The following SH3PXD2B variants were observed in gnomAD, a reference collection of about 807,000 sequenced individuals.
SH3PXD2B encodes the protein SH3 and PX domains 2B, also known as SH3 and PX domain-containing protein 2B.
SH3PXD2B carries 37 observed loss-of-function variants against 73.1 expected under a neutral mutation model. The ratio of observed to expected loss-of-function variants is 0.51; its 90% CI spans 0.39 to 0.67. SH3PXD2B has a LOEUF of 0.67. Among genes scored for constraint, SH3PXD2B ranks in the 30% least tolerant of loss-of-function variants. The pLI is 0.00. For missense variants in SH3PXD2B, 1,053 were observed against 1,197.8 expected (o/e 0.88, Z 1.78); for synonymous variants, 457 against 480.5 (o/e 0.95, Z 0.64).
At chr5:172,410,268 G>C (rs1758662885) in intron 2 of SH3PXD2B, among the ~76,000 whole-genome samples, 1 of 152,212 alleles carries the variant, frequency 6.6e-6, no homozygotes, top group South Asian at 2.1e-4. Context: ...CCAACTGTGT[G>C]TAAGAGTTCC....
rs754177459 is a variant in SH3PXD2B, at chr5:172,338,931, G to A, written c.2174C>T (p.Ser725Phe). The change falls in exon 13 of 13, where the codon TCC becomes TTC. Residue 725 changes from serine (S) to phenylalanine (F), a missense_variant. Physicochemically the swap from Ser to Phe is radical, Grantham distance 155 (BLOSUM62 -2). Coordinates refer to ENST00000311601, the MANE Select transcript of SH3PXD2B (RefSeq NM_001017995.3). This position sits in a 1 kb window ranked among gnomAD's most constrained non-coding sequence, Gnocchi z 5.1. ...GGCTGGCCTCGGAGGGGCTCTGCAG[G>A]AAATCTCTTTTGGGCTGAGACCATC... ...KQDGLSPKEI[S>F]CRAPPRPAKT... 5.0e-6 allele frequency: 8 copies of A among 1,614,040 alleles called. No individual in the cohort carries two copies. In the East Asian group the frequency reaches 1.6e-4, roughly 31 times the overall value.
At chr5:172,423,468 A>T (rs1759018851) in intron 1 of SH3PXD2B, among the ~76,000 whole-genome samples, 1 of 148,850 alleles carries the variant, frequency 6.7e-6, no homozygotes. Flanking sequence ...AGGAGAGACA[A>T]TGCATACATA....
intron 1 of SH3PXD2B, among the ~76,000 whole-genome samples, chr5:172,439,684 ACGCG>A (rs1183752755): frequency 7.7e-5 from 8 of 103,252 alleles, no homozygotes; most frequent in African/African-American, 2.7e-4. Context: ...GCGTGCGCGC[ACGCG>A]CGCGCACACA....
chr5:172,422,511 G>C lies in SH3PXD2B; in HGVS notation c.76-15C>G, dbSNP rs367719241. The C allele has an allele frequency of 8.7e-6, 14 of 1,607,172 alleles. No homozygotes were observed. In the African/African-American group the frequency reaches 1.7e-4, roughly 20 times the overall value. Reference sequence around the variant, plus strand: ...ATGATGTAGACCTGCGGGAGCAACAGAGGAGATGGGTGTTAACACCAGAAG... The same window carrying C: ...ATGATGTAGACCTGCGGGAGCAACACAGGAGATGGGTGTTAACACCAGAAG... On this transcript the variant is annotated splice_polypyrimidine_tract_variant and intron_variant, in intron 1 of 12. Transcript: ENST00000311601.
rs1430829340 is a variant in SH3PXD2B, at chr5:172,422,456, T to G, written c.116A>C (p.Glu39Ala). 1 of 1,612,672 alleles carries G rather than the reference T, an allele frequency of 6.2e-7. No individual in the cohort carries two copies. Among genetic ancestry groups the G allele is most frequent in the East Asian group, 2.2e-5 (1 of 44,886 alleles). Residue 39 changes from glutamate (E) to alanine (A), a missense_variant, in exon 2 of 13, where the codon GAG becomes GCG. By Grantham distance (107) the Glu-to-Ala change is moderately radical. Around this residue, in one of 2 missense-constraint regions of SH3PXD2B, gnomAD observed 466 missense variants for 607.1 expected, o/e 0.77. Transcript: ENST00000311601. ...CTTGCTGTAGCGCCGGTAAATGGCC[T>G]CGGTGGAGCCGCTGGACCACGTGAC... Reference protein sequence around the residue: ...IRVTWSSGSTEAIYRRYSKFF... With the variant: ...IRVTWSSGSTAAIYRRYSKFF...
At chr5:172,358,105 C>T (rs751089108) in intron 8 of SH3PXD2B, among the ~76,000 whole-genome samples, 3 of 152,234 alleles carry the variant, frequency 2.0e-5, no homozygotes, top group Admixed American at 6.5e-5. Flanking sequence ...TGGCCCAAGG[C>T]CACTCAACCA....
chr5:172,373,544 T>C (rs1399686111), intron 6 of SH3PXD2B, among the ~76,000 whole-genome samples: 6 of 152,128 alleles, frequency 3.9e-5, no homozygotes, highest in Admixed American at 3.3e-4. Context: ...AATACTATTT[T>C]TGGGAAATGG....
intron 12 of SH3PXD2B, among the ~76,000 whole-genome samples, chr5:172,343,185 CCA>C (rs931132607): frequency 6.6e-6 from 1 of 152,170 alleles, no homozygotes; most frequent in African/African-American, 2.4e-5. Flanking sequence ...CCAGGAAAGG[CCA>C]CTGATAAATG....
intron 9 of SH3PXD2B, among the ~76,000 whole-genome samples, chr5:172,350,851 A>AGCTGCTG (rs1757147069): frequency 1.3e-5 from 2 of 152,214 alleles, no homozygotes; most frequent in Non-Finnish European, 2.9e-5. Context: ...CCAGCAGGGC[A>AGCTGCTG]CCAGCCTGGG....
rs1337812629 is a variant in SH3PXD2B, at chr5:172,334,051, G to A, written c.*4318C>T. The A allele has an allele frequency of 1.7e-6, 2 of 1,163,400 alleles. No homozygotes were observed. Among genetic ancestry groups the A allele is most frequent in the East Asian group, 7.4e-5 (1 of 13,510 alleles). The allele number at this position is 1,163,400 out of a possible 1,614,324, so 72.1% of individuals were successfully genotyped here. ...TGAAGGCTACCGACTGTGGCACTGCGTTTGGCCTCTTTGAGGACAGAAGAG... is the reference window on the plus strand; with the variant it reads ...TGAAGGCTACCGACTGTGGCACTGCATTTGGCCTCTTTGAGGACAGAAGAG... On this transcript the variant is annotated 3_prime_UTR_variant, in exon 13 of 13. Coordinates refer to ENST00000311601, the MANE Select transcript of SH3PXD2B (RefSeq NM_001017995.3).
chr5:172,375,347 G>A (rs979499527), intron 5 of SH3PXD2B, among the ~76,000 whole-genome samples: 6 of 152,148 alleles, frequency 3.9e-5, no homozygotes, highest in African/African-American at 1.4e-4. Flanking sequence ...GAGACAGACC[G>A]AGACTCTGTC....
At chr5:172,352,471 C>T (rs2113294720) in intron 9 of SH3PXD2B, among the ~76,000 whole-genome samples, 1 of 152,282 alleles carries the variant, frequency 6.6e-6, no homozygotes, top group South Asian at 2.1e-4. Flanking sequence ...AAGTGATCCT[C>T]CTGCCTTACC....
At chr5:172,377,037 C>T (rs1757836329) in intron 5 of SH3PXD2B, among the ~76,000 whole-genome samples, 1 of 152,228 alleles carries the variant, frequency 6.6e-6, no homozygotes, top group East Asian at 1.9e-4. Flanking sequence ...CCATCCAGGC[C>T]TGCGACCTGA....
chr5:172,426,030 A>G (rs1234910926), intron 1 of SH3PXD2B, among the ~76,000 whole-genome samples: 2 of 152,188 alleles, frequency 1.3e-5, no homozygotes, highest in South Asian at 2.1e-4. Flanking sequence ...AAAAATTGTC[A>G]AAGAATGGAT....
chr5:172,439,249 A>C (rs1442787521), intron 1 of SH3PXD2B, among the ~76,000 whole-genome samples: 7 of 89,628 alleles, frequency 7.8e-5, no homozygotes, highest in South Asian at 6.9e-4. Flanking sequence ...AAAAAAAAAA[A>C]AGAAAAAAAA....
At chr5:172,355,597 T>G (rs968042911) in intron 8 of SH3PXD2B, among the ~76,000 whole-genome samples, 1 of 150,630 alleles carries the variant, frequency 6.6e-6, no homozygotes, top group Non-Finnish European at 1.5e-5. Flanking sequence ...CAGGCTGGAG[T>G]GCAGTGGCGC....
chr5:172,440,103 A>T (rs7715081), intron 1 of SH3PXD2B, among the ~76,000 whole-genome samples: 1 of 152,054 alleles, frequency 6.6e-6, no homozygotes. Context: ...GCCTCAGAGG[A>T]GCCTGGGCAA....
chr5:172,347,243 C>T (rs765860730), intron 11 of SH3PXD2B, 40 bp downstream of exon 11: 2 of 1,611,398 alleles, frequency 1.2e-6, no homozygotes, highest in East Asian at 2.2e-5. Flanking sequence ...TCACAGCCCT[C>T]AAGTCAGTGG....
At chr5:172,343,552 C>T (rs1011106917) in intron 12 of SH3PXD2B, among the ~76,000 whole-genome samples, 2 of 152,104 alleles carry the variant, frequency 1.3e-5, no homozygotes, top group Non-Finnish European at 2.9e-5. Flanking sequence ...TGCAATTCCA[C>T]CGCTTTGGGA....
Sources: gnomAD v4.1 joint callset for allele counts (sites outside exome capture counted in the v4.1 genomes callset) on GRCh38, gnomAD v4.1.1 for gene constraint, gnomAD v4.1.1 regional missense constraint, Gnocchi (gnomAD v3.1) non-coding constraint, MANE v1.5 for transcripts, NCBI Gene and HGNC (gene_info 2026-07-23, HGNC 2026-07-21) for gene names.